SLC22A16: variants seen among roughly 807,000 people sequenced by gnomAD.
SLC22A16 encodes the protein solute carrier family 22 member 16.
Under a neutral mutation model 52.9 loss-of-function variants are expected in SLC22A16, and 53 were observed. That is an observed-to-expected ratio of 1.00 (90% CI 0.80 to 1.26). The LOEUF (loss-of-function observed/expected upper bound fraction) is 1.26, where lower values mean the gene tolerates loss of function less well. SLC22A16 is among the 50% of genes most tolerant of loss of function. The pLI is 0.00. For missense variants in SLC22A16, 726 were observed against 704.0 expected, an observed-to-expected ratio of 1.03 and a Z score of -0.35; for synonymous variants, 291 against 268.8, an observed-to-expected ratio of 1.08 and a Z score of -0.81.
At chr6:110,460,084 C>T (rs1334760027) in intron 1 of SLC22A16, among the ~76,000 whole-genome samples, 2 of 152,170 alleles carry the variant, frequency 1.3e-5, no homozygotes, top group Non-Finnish European at 2.9e-5. Context: ...GAAATAGGTC[C>T]TGTCCGATCA....
At chr6:110,453,515 C>T (rs998462501) in intron 2 of SLC22A16, 15 of 421,448 alleles carry the variant, frequency 3.6e-5, no homozygotes, top group African/African-American at 2.2e-4. Context: ...AGACAAAGAA[C>T]TTCATTACTT....
chr6:110,450,513 G>T (rs936145643), intron 2 of SLC22A16, among the ~76,000 whole-genome samples: 2 of 149,834 alleles, frequency 1.3e-5, no homozygotes, highest in African/African-American at 4.9e-5. Context: ...TCGGGAGGCT[G>T]AGGCAGGAGA....
intron 7 of SLC22A16, 140 bp from the exon 8 acceptor site, chr6:110,425,225 A>G (rs1171626544): frequency 6.6e-7 from 1 of 1,518,488 alleles, no homozygotes; most frequent in Admixed American, 2.1e-5. Context: ...ACTCGGTGAG[A>G]TCTTTGGTTA....
chr6:110,455,049 A>G (rs1456659553), intron 2 of SLC22A16, among the ~76,000 whole-genome samples: 2 of 130,534 alleles, frequency 1.5e-5, no homozygotes, highest in African/African-American at 5.8e-5. Flanking sequence ...TTTTTTATTT[A>G]TATATTATAT....
intron 2 of SLC22A16, among the ~76,000 whole-genome samples, chr6:110,451,735 T>C (rs1047937104): frequency 6.6e-6 from 1 of 152,238 alleles, no homozygotes; most frequent in Non-Finnish European, 1.5e-5. Context: ...CCTCTTTTAA[T>C]GGTGTCTTTT....
chr6:110,446,978 C>A lies in SLC22A16; in HGVS notation c.546G>T (p.Arg182=). ...FGYFSDRLGR[R]VVLWATSSSM... The stretch of plus-strand genomic sequence containing the variant: ...TACTGCTTGTGGCCCACAAGACCAC[C>A]CGGCGTCCTAGCCTGAAAAATAAGA... The change falls in exon 3 of 8, where the codon CGG becomes CGT. Residue 182 remains arginine, a synonymous_variant. Transcript: ENST00000368919. 6.2e-7 allele frequency: 1 copy of A among 1,613,300 alleles called. No homozygotes were observed. The highest frequency in any genetic ancestry group is 8.5e-7 in the Non-Finnish European group (1 of 1,179,728).
chr6:110,476,481 C>T, intron 1 of SLC22A16, 41 bp downstream of exon 1: 1 of 1,460,522 alleles, frequency 6.8e-7, no homozygotes, highest in Non-Finnish European at 9.1e-7. Context: ...GACCCCTCGG[C>T]GCCGCCTCCC....
chr6:110,465,352 T>C (rs1776026613), intron 1 of SLC22A16, among the ~76,000 whole-genome samples: 1 of 151,980 alleles, frequency 6.6e-6, no homozygotes, highest in Non-Finnish European at 1.5e-5. Context: ...AAGAGTGAAA[T>C]TATCTCTGTT....
At chr6:110,440,863 C>T (rs1319215009) in intron 4 of SLC22A16, among the ~76,000 whole-genome samples, 3 of 152,126 alleles carry the variant, frequency 2.0e-5, no homozygotes, top group Non-Finnish European at 4.4e-5. Flanking sequence ...GAAATTTGTA[C>T]TAACTTCTTA....
chr6:110,462,497 T>C (rs1238906323), intron 1 of SLC22A16, among the ~76,000 whole-genome samples: 1 of 152,158 alleles, frequency 6.6e-6, no homozygotes, highest in Admixed American at 6.6e-5. Flanking sequence ...ACTTTAACTA[T>C]AGTGAAAGAC....
In SLC22A16 at chr6:110,454,634, ATATAT is replaced by A. The variant is rs1562292353; in HGVS notation, c.533+1899_533+1903del. Among the ~76,000 whole-genome samples the A allele has an allele frequency of 9.6e-4, 50 of 51,950 alleles. 5 individuals are homozygous for A. The highest frequency in any genetic ancestry group is 3.8e-3 in the African/African-American group (36 of 9,356). The allele number at this position is 51,950 out of a possible 152,430, so 34.1% of individuals were successfully genotyped here. On this transcript the variant is annotated intron_variant, in intron 2 of 7. Coordinates refer to ENST00000368919, the MANE Select transcript of SLC22A16 (RefSeq NM_033125.4). Reference sequence around the variant, plus strand: ...TATTTTATATATAATATATATTTATATATATTATATATTTTATATATATTATATAT... The same window carrying A: ...TATTTTATATATAATATATATTTATATATATATTTTATATATATTATATAT...
At chr6:110,446,476 T>A (rs1775175525) in intron 3 of SLC22A16, among the ~76,000 whole-genome samples, 1 of 152,188 alleles carries the variant, frequency 6.6e-6, no homozygotes, top group Non-Finnish European at 1.5e-5. Flanking sequence ...CCTGGTAACA[T>A]AAGGACCTAA....
rs190790491 is a variant in SLC22A16 at position 110,434,847 on chromosome 6, A to G, written c.1421+1005T>C. 2.6e-4 allele frequency among the ~76,000 whole-genome samples: 39 copies of G among 152,168 alleles called. No homozygotes were observed. In the East Asian group the frequency reaches 5.2e-3, roughly 20 times the overall value. On this transcript the variant is annotated intron_variant, in intron 6 of 7. Transcript: ENST00000368919. ...ACAAAAATTAGCCGGGTGTAGTGGC[A>G]TGCACGTGTAATCCCAGCTACTCTG...
intron 2 of SLC22A16, among the ~76,000 whole-genome samples, chr6:110,452,362 T>C (rs1412255489): frequency 6.6e-6 from 1 of 152,314 alleles, no homozygotes; most frequent in East Asian, 1.9e-4. Flanking sequence ...TAACTACAAA[T>C]AATGACTTTT....
chr6:110,469,108 C>G (rs1401159406), intron 1 of SLC22A16, among the ~76,000 whole-genome samples: 2 of 152,220 alleles, frequency 1.3e-5, no homozygotes, highest in Non-Finnish European at 2.9e-5. Context: ...TTCTATTGCA[C>G]AGATTGTAGA....
intron 7 of SLC22A16, chr6:110,425,477 C>T (rs75089429): frequency 0.063 from 75,037 of 1,187,812 alleles, 2,742 homozygotes; most frequent in Non-Finnish European, 0.076. Context: ...TCAGGACATG[C>T]CAAGCAGGGA....
At chr6:110,447,063 T>A (rs1017260040) in intron 2 of SLC22A16, 73 bp from the exon 3 acceptor site, 5 of 1,202,958 alleles carry the variant, frequency 4.2e-6, no homozygotes, top group Admixed American at 4.1e-5. Context: ...CTCCAATTCA[T>A]AAAAGATAGG....
At chr6:110,476,474 C>G in intron 1 of SLC22A16, 48 bp downstream of exon 1, 2 of 1,472,986 alleles carry the variant, frequency 1.4e-6, no homozygotes, top group Non-Finnish European at 1.8e-6. Context: ...AGAAACAGAC[C>G]CCTCGGCGCC....
At chr6:110,436,117 C>T (rs1774719348) in intron 5 of SLC22A16, among the ~76,000 whole-genome samples, 156 bp from the exon 6 acceptor site, 1 of 152,206 alleles carries the variant, frequency 6.6e-6, no homozygotes. Flanking sequence ...TTAAACTCTA[C>T]TCACAGTCTG....
Sources: gnomAD v4.1 joint callset for allele counts (sites outside exome capture counted in the v4.1 genomes callset) on GRCh38, gnomAD v4.1.1 for gene constraint, MANE v1.5 for transcripts, NCBI Gene and HGNC (gene_info 2026-07-23, HGNC 2026-07-21) for gene names.